CAMK1D: variants seen among roughly 807,000 people sequenced by gnomAD.
The protein encoded by CAMK1D is calcium/calmodulin-dependent protein kinase type 1D.
CAMK1D carries 9 observed loss-of-function variants against 47.7 expected under a neutral mutation model. The ratio of observed to expected loss-of-function variants is 0.19; its 90% CI spans 0.11 to 0.33. CAMK1D has a LOEUF of 0.33. CAMK1D is among the 10% of genes least tolerant of loss of function. The probability of loss-of-function intolerance (pLI) is 1.00; values close to 1 mark genes in which losing one functional copy is unlikely to be tolerated. For missense variants in CAMK1D, 291 were observed against 488.7 expected (o/e 0.60, Z 3.81); for synonymous variants, 184 against 184.9 (o/e 0.99, Z 0.04).
intron 1 of CAMK1D, among the ~76,000 whole-genome samples, chr10:12,472,309 G>T (rs1833770997): frequency 6.6e-6 from 1 of 152,006 alleles, no homozygotes; most frequent in Non-Finnish European, 1.5e-5. Context: ...GGCCTCAGAT[G>T]GTCCATGTCC....
chr10:12,636,939 C>T (rs1172253171), intron 2 of CAMK1D, among the ~76,000 whole-genome samples: 6 of 152,100 alleles, frequency 3.9e-5, no homozygotes, highest in Admixed American at 3.3e-4. Context: ...AAAGAACAGG[C>T]ATCTGTAAAA....
intron 1 of CAMK1D, among the ~76,000 whole-genome samples, chr10:12,467,187 C>G (rs528344999): frequency 1.5e-4 from 23 of 152,194 alleles, no homozygotes; most frequent in African/African-American, 5.3e-4. Flanking sequence ...GAGTCTCACT[C>G]TGTCACGCTG....
chr10:12,495,830 TA>T (rs1588553944), intron 1 of CAMK1D, among the ~76,000 whole-genome samples: 1 of 152,200 alleles, frequency 6.6e-6, no homozygotes, highest in Admixed American at 6.5e-5. Flanking sequence ...TATATGTATA[TA>T]TTTTTTTTCT....
intron 3 of CAMK1D, among the ~76,000 whole-genome samples, chr10:12,712,705 C>T: frequency 6.6e-6 from 1 of 152,160 alleles, no homozygotes; most frequent in East Asian, 1.9e-4. Context: ...TACCATCATA[C>T]TGGGGGTTAG....
intron 2 of CAMK1D, among the ~76,000 whole-genome samples, chr10:12,599,649 C>G (rs562663167): frequency 6.6e-6 from 1 of 152,316 alleles, no homozygotes; most frequent in East Asian, 1.9e-4. Flanking sequence ...GAGGAGCAGT[C>G]CTACCACTTT....
chr10:12,784,114 G>A (rs577267035), intron 5 of CAMK1D, among the ~76,000 whole-genome samples: 6 of 152,212 alleles, frequency 3.9e-5, no homozygotes, highest in African/African-American at 1.4e-4. Context: ...CCAGGAGGAG[G>A]TTCTGAGAGA....
At chr10:12,699,373 C>T (rs1588816654) in intron 3 of CAMK1D, among the ~76,000 whole-genome samples, 3 of 152,102 alleles carry the variant, frequency 2.0e-5, no homozygotes, top group South Asian at 4.2e-4. Flanking sequence ...TGGGAAAAAG[C>T]GTTGTACTGG....
chr10:12,725,138 A>G (rs1231698341), intron 3 of CAMK1D: 1 of 153,892 alleles, frequency 6.5e-6, no homozygotes, highest in Admixed American at 6.5e-5. Context: ...CTGTGGACTC[A>G]GCTTGCAGAT....
At chr10:12,469,121 G>A (rs74492080) in intron 1 of CAMK1D, among the ~76,000 whole-genome samples, 5 of 152,132 alleles carry the variant, frequency 3.3e-5, no homozygotes, top group Admixed American at 2.0e-4. Context: ...AGGAGAGGAG[G>A]GGGGCGGTGC....
intron 1 of CAMK1D, among the ~76,000 whole-genome samples, chr10:12,469,357 C>G (rs1833683120): frequency 1.5e-5 from 2 of 129,760 alleles, no homozygotes; most frequent in South Asian, 2.6e-4. Context: ...ATCTGGATTT[C>G]AGCCCATACA....
intron 1 of CAMK1D, among the ~76,000 whole-genome samples, chr10:12,429,506 A>T (rs1422022058): frequency 6.6e-6 from 1 of 151,890 alleles, no homozygotes; most frequent in African/African-American, 2.4e-5. Context: ...TGCCTGGCTA[A>T]TTTTTGTATT....
At chr10:12,401,263 T>G (rs552120172) in intron 1 of CAMK1D, among the ~76,000 whole-genome samples, 2 of 31,616 alleles carry the variant, frequency 6.3e-5, no homozygotes, top group Admixed American at 6.0e-4. Context: ...ATATGTATTA[T>G]ATATATTATG....
At position 12,761,181 on chromosome 10, in the gene CAMK1D, C is replaced by G. The variant is rs1030379753; in HGVS notation, c.438+95C>G. The G allele has an allele frequency of 3.4e-6, 5 of 1,453,180 alleles. No homozygotes were observed. In the Admixed American group the frequency reaches 1.0e-4, roughly 29 times the overall value. 90.0% of individuals were successfully genotyped at this position (1,453,180 alleles called of 1,614,324 possible). On this transcript the variant is annotated intron_variant, in intron 4 of 10. Coordinates refer to ENST00000619168, the MANE Select transcript of CAMK1D (RefSeq NM_153498.4). ...ATGCCAGTGGGGGCATGCAGCTGCT[C>G]TGATGTAGAGTGGGTGCAGCAGATG... is the stretch of plus-strand genomic sequence containing the variant.
intron 1 of CAMK1D, among the ~76,000 whole-genome samples, chr10:12,474,536 T>G (rs1833845769): frequency 6.6e-6 from 1 of 152,016 alleles, no homozygotes. Context: ...GTTAAAACAT[T>G]GCATAACATA....
At chr10:12,488,083 C>T (rs1272545033) in intron 1 of CAMK1D, among the ~76,000 whole-genome samples, 1 of 152,168 alleles carries the variant, frequency 6.6e-6, no homozygotes, top group African/African-American at 2.4e-5. Context: ...TTCTCCCAAC[C>T]CCATTCACTC....
At chr10:12,681,197 G>GTA (rs1294046057) in intron 3 of CAMK1D, among the ~76,000 whole-genome samples, 1 of 152,216 alleles carries the variant, frequency 6.6e-6, no homozygotes, top group African/African-American at 2.4e-5. Flanking sequence ...GAGCTGCTAC[G>GTA]GCTCTATCAT....
chr10:12,587,953 G>A lies in CAMK1D; in HGVS notation c.224+34597G>A, dbSNP rs185867363. Among the ~76,000 whole-genome samples the A allele has an allele frequency of 5.0e-3, 753 of 151,976 alleles. 12 individuals are homozygous for A. Among genetic ancestry groups the A allele is most frequent in the African/African-American group, 0.016 (664 of 41,434 alleles). ...AGCTCTTTTAAATAGTGCCTTTCTCGGTGATTTGGACTTAAAAATTTAAGG... is the reference window on the plus strand; with the variant it reads ...AGCTCTTTTAAATAGTGCCTTTCTCAGTGATTTGGACTTAAAAATTTAAGG... On this transcript the variant is annotated intron_variant, in intron 2 of 10. Transcript: ENST00000619168.
chr10:12,522,476 T>C (rs1316702456), intron 1 of CAMK1D, among the ~76,000 whole-genome samples: 2 of 150,354 alleles, frequency 1.3e-5, no homozygotes, highest in African/African-American at 4.9e-5. Flanking sequence ...TAACCCTGAG[T>C]GGACACAGCA....
intron 1 of CAMK1D, among the ~76,000 whole-genome samples, chr10:12,355,770 G>A (rs978544370): frequency 1.3e-5 from 2 of 152,096 alleles, no homozygotes; most frequent in African/African-American, 4.8e-5. Context: ...TAAAAATATC[G>A]GTTGAACACC....
Sources: gnomAD v4.1 joint callset for allele counts (sites outside exome capture counted in the v4.1 genomes callset) on GRCh38, gnomAD v4.1.1 for gene constraint, MANE v1.5 for transcripts, NCBI Gene and HGNC (gene_info 2026-07-23, HGNC 2026-07-21) for gene names.